The following DLGAP2 variants were observed in gnomAD, a reference collection of about 807,000 sequenced individuals.
DLGAP2 encodes the protein disks large-associated protein 2.
In DLGAP2, 26 loss-of-function variants were observed where a neutral mutation model predicts 100.3. The ratio of observed to expected loss-of-function variants is 0.26; its 90% CI spans 0.19 to 0.36. The LOEUF is 0.36. DLGAP2 is among the 10% of genes least tolerant of loss of function. The pLI is 1.00. For missense variants in DLGAP2, 1,858 were observed against 1,453.2 expected (o/e 1.28, Z -4.53); for synonymous variants, 886 against 630.1 (o/e 1.41, Z -6.08).
intron 1 of DLGAP2, among the ~76,000 whole-genome samples, chr8:823,886 G>A (rs1285284737): frequency 6.6e-6 from 1 of 152,128 alleles, no homozygotes; most frequent in Non-Finnish European, 1.5e-5. Flanking sequence ...CTCTTGTTGT[G>A]CGATGACAGT....
chr8:1,339,117 G>A (rs1469924407), intron 3 of DLGAP2, among the ~76,000 whole-genome samples: 1 of 144,910 alleles, frequency 6.9e-6, no homozygotes, highest in Non-Finnish European at 1.5e-5. Context: ...CAGGACCCGG[G>A]AGGGAATGCA....
chr8:1,678,276 A>C lies in DLGAP2; in HGVS notation c.2351A>C (p.Glu784Ala), dbSNP rs780719559. The C allele has an allele frequency of 4.3e-6, 7 of 1,613,810 alleles. No homozygotes were observed. Among genetic ancestry groups the C allele is most frequent in the Non-Finnish European group, 5.9e-6 (7 of 1,179,816 alleles). The change falls in exon 12 of 15, where the codon GAG becomes GCG. Residue 784 changes from glutamate to alanine, a missense_variant. Coordinates refer to ENST00000637795, the MANE Select transcript of DLGAP2 (RefSeq NM_001346810.2). ...TAAVQADLEL[E>A]GFPGHITTED... ...GCCGTCCAAGCTGACCTGGAGCTGG[A>C]GGGGTTCCCAGGCCACATCACCACG... is the stretch of plus-strand genomic sequence containing the variant.
At chr8:833,484 C>T (rs553687735) in intron 1 of DLGAP2, among the ~76,000 whole-genome samples, 1 of 152,256 alleles carries the variant, frequency 6.6e-6, no homozygotes, top group African/African-American at 2.4e-5. Flanking sequence ...TGTGGCCCCA[C>T]CTCCATCTGC....
chr8:824,236 G>T (rs745372091), intron 1 of DLGAP2, among the ~76,000 whole-genome samples: 2 of 151,858 alleles, frequency 1.3e-5, no homozygotes, highest in Non-Finnish European at 2.9e-5. Context: ...CACCATGCCT[G>T]GCTAATTTTT....
intron 2 of DLGAP2, among the ~76,000 whole-genome samples, chr8:1,187,607 A>C (rs1232462611): frequency 1.5e-5 from 2 of 133,710 alleles, no homozygotes; most frequent in Non-Finnish European, 3.1e-5. Context: ...TCCCTCACGG[A>C]ATCTCACACA....
chr8:1,456,445 G>A (rs1158470335), intron 3 of DLGAP2, among the ~76,000 whole-genome samples: 1 of 152,106 alleles, frequency 6.6e-6, no homozygotes, highest in African/African-American at 2.4e-5. Context: ...ATTGACTTTG[G>A]TGTCTCCTTT....
intron 14 of DLGAP2, among the ~76,000 whole-genome samples, chr8:1,697,784 A>T (rs1799443030): frequency 6.6e-6 from 1 of 152,152 alleles, no homozygotes; most frequent in South Asian, 2.1e-4. Flanking sequence ...ACCTTATTGA[A>T]CCGTTTGATG....
At chr8:1,307,427 T>G (rs1275101589) in intron 3 of DLGAP2, among the ~76,000 whole-genome samples, 1 of 152,178 alleles carries the variant, frequency 6.6e-6, no homozygotes, top group African/African-American at 2.4e-5. Context: ...GGTGAGAATA[T>G]AGAAAGATGT....
chr8:1,139,541 C>G (rs1006232671), intron 2 of DLGAP2, among the ~76,000 whole-genome samples: 1 of 152,220 alleles, frequency 6.6e-6, no homozygotes, highest in Non-Finnish European at 1.5e-5. Context: ...AACCTAGTCA[C>G]CTCCCAAAGC....
At chr8:905,706 G>A (rs925759147) in intron 1 of DLGAP2, among the ~76,000 whole-genome samples, 1 of 152,080 alleles carries the variant, frequency 6.6e-6, no homozygotes, top group Non-Finnish European at 1.5e-5. Context: ...GGGTGGTCAC[G>A]GGAGCTGCGG....
intron 3 of DLGAP2, among the ~76,000 whole-genome samples, chr8:1,348,485 C>A (rs149927396): frequency 3.2e-5 from 1 of 31,576 alleles, no homozygotes. Flanking sequence ...AGGTTGAGTT[C>A]CCATACAGAG....
At chr8:1,432,143 G>T (rs935243381) in intron 3 of DLGAP2, among the ~76,000 whole-genome samples, 14 of 152,202 alleles carry the variant, frequency 9.2e-5, no homozygotes, top group African/African-American at 3.4e-4. Context: ...TTCGGGGCTA[G>T]TTCCACTTCA....
rs573843506 is a variant in DLGAP2 at position 965,039 on chromosome 8, G to A, written c.73+57073G>A. 3.2e-4 allele frequency among the ~76,000 whole-genome samples: 47 copies of A among 148,464 alleles called. No individual in the cohort carries two copies. The South Asian group carries it at 3.6e-3, about 11-fold the overall frequency. On this transcript the variant is annotated intron_variant, in intron 2 of 14. Coordinates refer to ENST00000637795, the MANE Select transcript of DLGAP2 (RefSeq NM_001346810.2). ...TGACCCCTGCGCTGCACATGGCACTGTTCACCACACAGAGCTCCTGAGTCT... is the reference window on the plus strand; with the variant it reads ...TGACCCCTGCGCTGCACATGGCACTATTCACCACACAGAGCTCCTGAGTCT...
chr8:1,567,900 A>G (rs533220034), intron 6 of DLGAP2, among the ~76,000 whole-genome samples: 1 of 152,338 alleles, frequency 6.6e-6, no homozygotes, highest in East Asian at 1.9e-4. Context: ...ACACCTGACC[A>G]GAAAGCATTC....
chr8:1,083,843 T>C (rs974965677), intron 2 of DLGAP2, among the ~76,000 whole-genome samples: 1 of 152,188 alleles, frequency 6.6e-6, no homozygotes, highest in African/African-American at 2.4e-5. Context: ...CCACAATGAA[T>C]TTTTTCTTAA....
intron 2 of DLGAP2, among the ~76,000 whole-genome samples, chr8:1,050,919 C>T (rs1014755392): frequency 2.0e-5 from 3 of 146,894 alleles, no homozygotes; most frequent in Non-Finnish European, 3.0e-5. Flanking sequence ...GAGGCTGTCA[C>T]GTGCCCGGTC....
At chr8:1,330,292 G>A (rs1410929915) in intron 3 of DLGAP2, among the ~76,000 whole-genome samples, 4 of 151,906 alleles carry the variant, frequency 2.6e-5, no homozygotes, top group African/African-American at 9.7e-5. Flanking sequence ...AGTTCTGGGT[G>A]GGAGCACTAC....
At chr8:1,639,186 C>T (rs1317252989) in intron 8 of DLGAP2, among the ~76,000 whole-genome samples, 1 of 152,168 alleles carries the variant, frequency 6.6e-6, no homozygotes, top group African/African-American at 2.4e-5. Context: ...GCCATGGAGC[C>T]ACCCCCGAAC....
intron 2 of DLGAP2, chr8:1,104,989 C>T (rs1424976416): frequency 6.6e-6 from 1 of 152,218 alleles, no homozygotes; most frequent in Non-Finnish European, 1.5e-5. Context: ...AGAGGAGGAG[C>T]AGTGGTCGGC....
Sources: gnomAD v4.1 joint callset for allele counts (sites outside exome capture counted in the v4.1 genomes callset) on GRCh38, gnomAD v4.1.1 for gene constraint, MANE v1.5 for transcripts, NCBI Gene and HGNC (gene_info 2026-07-23, HGNC 2026-07-21) for gene names.